LEF1: variants seen among roughly 807,000 people sequenced by gnomAD.
LEF1 encodes the protein lymphoid enhancer-binding factor 1.
A neutral mutation model predicts 51.2 loss-of-function variants in LEF1; 14 were observed. The ratio of observed to expected loss-of-function variants is 0.27; its 90% CI spans 0.18 to 0.43. LEF1 has a LOEUF of 0.43. Among genes scored for constraint, LEF1 ranks in the 20% least tolerant of loss-of-function variants. The pLI is 1.00. For synonymous variants in LEF1, 185 were observed against 183.2 expected (o/e 1.01, Z -0.08); for missense variants, 386 against 512.0 (o/e 0.75, Z 2.37).
intron 2 of LEF1, 99 bp downstream of exon 2, chr4:108,164,998 G>C: frequency 1.1e-5 from 11 of 966,466 alleles, no homozygotes; most frequent in Non-Finnish European, 1.7e-5. Context: ...GTCTGACCTA[G>C]TCCCAGTTTC....
chr4:108,082,388 C>T (rs895517401), intron 5 of LEF1, among the ~76,000 whole-genome samples: 1 of 152,010 alleles, frequency 6.6e-6, no homozygotes, highest in Non-Finnish European at 1.5e-5. Flanking sequence ...TAAGTTCAAG[C>T]AGTTACTGAC....
chr4:108,108,389 C>G (rs139630013), intron 3 of LEF1, among the ~76,000 whole-genome samples: 1 of 152,240 alleles, frequency 6.6e-6, no homozygotes, highest in South Asian at 2.1e-4. Context: ...TTGACTCACT[C>G]GTAGTATACC....
At chr4:108,115,374 A>C (rs62310684) in intron 3 of LEF1, among the ~76,000 whole-genome samples, 6,385 of 152,318 alleles carry the variant, frequency 0.042, 166 homozygotes, top group Non-Finnish European at 0.062. Context: ...TGGTGAGTCC[A>C]TGTCATTCTT....
intron 3 of LEF1, among the ~76,000 whole-genome samples, chr4:108,105,181 C>CT (rs5860896): frequency 0.49 from 64,862 of 131,320 alleles, 17,011 homozygotes; most frequent in Middle Eastern, 0.66. Context: ...GAAGAATCCA[C>CT]TTTTTTTTTT....
intron 11 of LEF1, among the ~76,000 whole-genome samples, chr4:108,055,585 T>C (rs1225272621): frequency 2.0e-5 from 3 of 152,196 alleles, no homozygotes; most frequent in Non-Finnish European, 4.4e-5. Flanking sequence ...TTAAACAAAA[T>C]TTATCCAAAA....
chr4:108,064,229 C>A, intron 10 of LEF1, 107 bp downstream of exon 10: 2 of 688,706 alleles, frequency 2.9e-6, no homozygotes, highest in Non-Finnish European at 5.1e-6. Flanking sequence ...GTTAAAGCAT[C>A]ATAAGTTACA....
chr4:108,048,757 G>A lies in LEF1; in HGVS notation c.*7-6C>T. 1 of 1,597,124 alleles carries A rather than the reference G, an allele frequency of 6.3e-7. No individual in the cohort carries two copies. Among genetic ancestry groups the A allele is most frequent in the Non-Finnish European group, 8.5e-7 (1 of 1,170,676 alleles). ...GAATGAGCTTCGTTTTCCACCTCAA[G>A]AAGGAACAAATGAAATGCTATTAAT... On this transcript the variant is annotated splice_polypyrimidine_tract_variant and splice_region_variant and intron_variant, in intron 11 of 11. Coordinates refer to ENST00000265165, the MANE Select transcript of LEF1 (RefSeq NM_016269.5).
At chr4:108,116,136 G>A (rs1741827836) in intron 3 of LEF1, among the ~76,000 whole-genome samples, 1 of 152,200 alleles carries the variant, frequency 6.6e-6, no homozygotes, top group South Asian at 2.1e-4. Context: ...CAAGGTAGCT[G>A]TGTGGGAGTT....
chr4:108,089,833 T>C (rs1428107607), intron 3 of LEF1, among the ~76,000 whole-genome samples: 1 of 152,220 alleles, frequency 6.6e-6, no homozygotes, highest in Non-Finnish European at 1.5e-5. Flanking sequence ...TGGTACACCA[T>C]TCTTTCGAGT....
At position 108,048,645 on chromosome 4, in the gene LEF1, G is replaced by T; in HGVS notation, c.*113C>A. 1 of 1,510,672 alleles carries T rather than the reference G, an allele frequency of 6.6e-7. No individual in the cohort carries two copies. Among genetic ancestry groups the T allele is most frequent in the South Asian group, 1.3e-5 (1 of 78,656 alleles). 93.6% of individuals were successfully genotyped at this position (1,510,672 alleles called of 1,614,324 possible). A position where few individuals can be genotyped will look rare whatever the true frequency, so the allele number is the denominator to read the frequency against. Reference sequence around the variant, plus strand: ...GTCAGTGTTCCTTTGGGGTCGACTGGGCAGGCCGTGGAGACAGTCTGGGTT... The same window carrying T: ...GTCAGTGTTCCTTTGGGGTCGACTGTGCAGGCCGTGGAGACAGTCTGGGTT... On this transcript the variant is annotated 3_prime_UTR_variant, in exon 12 of 12. Coordinates refer to ENST00000265165, the MANE Select transcript of LEF1 (RefSeq NM_016269.5).
At chr4:108,144,947 G>A (rs917294219) in intron 3 of LEF1, among the ~76,000 whole-genome samples, 12 of 143,972 alleles carry the variant, frequency 8.3e-5, no homozygotes, top group African/African-American at 1.0e-4. Flanking sequence ...ACTTTCATAT[G>A]AAACACTCAA....
intron 8 of LEF1, among the ~76,000 whole-genome samples, chr4:108,071,388 A>G (rs1560767383): frequency 6.6e-6 from 1 of 152,212 alleles, no homozygotes; most frequent in African/African-American, 2.4e-5. Context: ...GACACTGTCC[A>G]GTCACACAAG....
At chr4:108,058,882 AC>A (rs1311806135) in intron 11 of LEF1, among the ~76,000 whole-genome samples, 2 of 152,194 alleles carry the variant, frequency 1.3e-5, no homozygotes, top group African/African-American at 4.8e-5. Context: ...TGTTCATGAC[AC>A]CGGTCTTCCA....
intron 3 of LEF1, among the ~76,000 whole-genome samples, chr4:108,119,627 G>A (rs954591180): frequency 2.0e-5 from 3 of 152,108 alleles, no homozygotes; most frequent in Non-Finnish European, 4.4e-5. Context: ...GGCCTGTTTG[G>A]GAGTATGTTG....
At chr4:108,114,579 T>C (rs1403472247) in intron 3 of LEF1, among the ~76,000 whole-genome samples, 2 of 151,844 alleles carry the variant, frequency 1.3e-5, no homozygotes, top group Non-Finnish European at 2.9e-5. Context: ...AAAACAAGAG[T>C]GTTTTCTAGA....
intron 3 of LEF1, among the ~76,000 whole-genome samples, chr4:108,153,366 A>T (rs1366644440): frequency 6.6e-6 from 1 of 152,188 alleles, no homozygotes; most frequent in African/African-American, 2.4e-5. Context: ...AGTTCAAGTC[A>T]CGTTCTCCAA....
chr4:108,146,627 T>C (rs1056251307), intron 3 of LEF1, among the ~76,000 whole-genome samples: 2 of 152,242 alleles, frequency 1.3e-5, no homozygotes, highest in African/African-American at 4.8e-5. Flanking sequence ...TCCAGAGGCA[T>C]TTCAGATTTC....
At chr4:108,164,367 C>G (rs1177362312) in intron 2 of LEF1, among the ~76,000 whole-genome samples, 1 of 152,108 alleles carries the variant, frequency 6.6e-6, no homozygotes, top group Non-Finnish European at 1.5e-5. Context: ...ATATAATTCT[C>G]TTCCCTGCTC....
chr4:108,113,458 G>A (rs1046752250), intron 3 of LEF1, among the ~76,000 whole-genome samples: 2 of 152,150 alleles, frequency 1.3e-5, no homozygotes, highest in African/African-American at 4.8e-5. Flanking sequence ...TTGTGGGGGT[G>A]GGAGGGAAAC....
Sources: allele counts gnomAD v4.1 joint callset (sites outside exome capture counted in the v4.1 genomes callset), GRCh38; gene constraint gnomAD v4.1.1; transcripts MANE v1.5; gene names NCBI Gene and HGNC (gene_info 2026-07-23, HGNC 2026-07-21).